The following ERBB4 variants were observed in gnomAD, a reference collection of about 807,000 sequenced individuals.
ERBB4 encodes receptor tyrosine-protein kinase erbB-4.
In ERBB4, 42 loss-of-function variants were observed where a neutral mutation model predicts 158.0. The ratio of observed to expected loss-of-function variants is 0.27; its 90% CI spans 0.21 to 0.34. The LOEUF (loss-of-function observed/expected upper bound fraction) is 0.34, where lower values mean the gene tolerates loss of function less well. Ranked by LOEUF, ERBB4 falls within the 10% of genes least tolerant of loss-of-function variation. The pLI, the probability that ERBB4 is intolerant of heterozygous loss-of-function variation, is 1.00. For synonymous variants in ERBB4, 583 were observed against 558.7 expected (o/e 1.04, Z -0.61); for missense variants, 1,333 against 1,624.1 (o/e 0.82, Z 3.08).
At chr2:211,933,333 A>T (rs929012505) in intron 3 of ERBB4, among the ~76,000 whole-genome samples, 2 of 151,956 alleles carry the variant, frequency 1.3e-5, no homozygotes, top group African/African-American at 4.8e-5. Flanking sequence ...CTATATTTCT[A>T]CCCATGCTTT....
intron 20 of ERBB4, among the ~76,000 whole-genome samples, chr2:211,512,531 A>G (rs773784637): frequency 1.3e-5 from 2 of 152,086 alleles, no homozygotes; most frequent in Non-Finnish European, 2.9e-5. Context: ...GCCTCTGACA[A>G]GTGAACAAAC....
intron 1 of ERBB4, among the ~76,000 whole-genome samples, chr2:212,259,582 G>A (rs2084859203): frequency 6.6e-6 from 1 of 152,022 alleles, no homozygotes; most frequent in South Asian, 2.1e-4. Context: ...TGTTTCCTTT[G>A]AATAACAATC....
At chr2:212,003,811 G>T (rs1253526534) in intron 2 of ERBB4, among the ~76,000 whole-genome samples, 1 of 152,080 alleles carries the variant, frequency 6.6e-6, no homozygotes, top group Middle Eastern at 3.2e-3. Flanking sequence ...GAACCAAAAA[G>T]ACTAGGATTC....
intron 5 of ERBB4, among the ~76,000 whole-genome samples, chr2:211,749,514 G>A (rs868144186): frequency 2.8e-4 from 40 of 141,664 alleles, no homozygotes; most frequent in African/African-American, 9.8e-4. Flanking sequence ...TGGGACCCAC[G>A]TGGGAAGATA....
chr2:211,774,253 G>T (rs1197879000), intron 4 of ERBB4, among the ~76,000 whole-genome samples: 2 of 151,774 alleles, frequency 1.3e-5, no homozygotes, highest in African/African-American at 2.4e-5. Context: ...TCGTATTTTT[G>T]TAGAGACGGG....
intron 19 of ERBB4, among the ~76,000 whole-genome samples, chr2:211,618,720 G>T (rs922472273): frequency 3.3e-5 from 5 of 152,000 alleles, no homozygotes; most frequent in Non-Finnish European, 7.4e-5. Flanking sequence ...AAATATTAGT[G>T]ACTTATTACC....
intron 1 of ERBB4, among the ~76,000 whole-genome samples, chr2:212,519,660 A>G (rs955990554): frequency 1.3e-5 from 2 of 151,944 alleles, no homozygotes; most frequent in Admixed American, 1.3e-4. Context: ...TCTGTCGGAC[A>G]TTACGTTAAG....
intron 3 of ERBB4, among the ~76,000 whole-genome samples, chr2:211,845,782 G>A (rs1358077560): frequency 6.6e-6 from 1 of 152,082 alleles, no homozygotes; most frequent in Non-Finnish European, 1.5e-5. Context: ...ATTACAACTT[G>A]TTCAATCTTA....
chr2:211,525,047 T>C (rs1198511603), intron 20 of ERBB4, among the ~76,000 whole-genome samples: 1 of 152,144 alleles, frequency 6.6e-6, no homozygotes, highest in African/African-American at 2.4e-5. Flanking sequence ...TGGCCAGAAG[T>C]TGCATTCCAG....
chr2:211,551,760 C>T (rs2067105107), intron 20 of ERBB4, among the ~76,000 whole-genome samples: 1 of 152,196 alleles, frequency 6.6e-6, no homozygotes, highest in African/African-American at 2.4e-5. Context: ...GCACCCAGTT[C>T]AAGCATTTAA....
intron 12 of ERBB4, among the ~76,000 whole-genome samples, chr2:211,685,298 T>A (rs975724544): frequency 6.6e-6 from 1 of 152,216 alleles, no homozygotes. Flanking sequence ...TGAAAGTTAA[T>A]GTTTTTATAA....
intron 19 of ERBB4, among the ~76,000 whole-genome samples, chr2:211,584,833 G>C (rs1286067549): frequency 6.6e-6 from 1 of 151,528 alleles, no homozygotes; most frequent in East Asian, 1.9e-4. Context: ...ATGAAATCCA[G>C]TTATTTTGTT....
intron 2 of ERBB4, among the ~76,000 whole-genome samples, chr2:211,978,325 C>A (rs564158841): frequency 6.6e-6 from 1 of 151,990 alleles, no homozygotes; most frequent in South Asian, 2.1e-4. Flanking sequence ...ACTCCAAGGA[C>A]CTTAGGGAAG....
chr2:211,454,811 T>C (rs2064338642), intron 20 of ERBB4, among the ~76,000 whole-genome samples: 1 of 152,208 alleles, frequency 6.6e-6, no homozygotes, highest in Admixed American at 6.5e-5. Flanking sequence ...GTAATAACTT[T>C]TCCTATTAAG....
chr2:211,673,300 C>T (rs372358499), intron 13 of ERBB4, 43 bp from the exon 14 acceptor site: 35 of 1,405,588 alleles, frequency 2.5e-5, no homozygotes, highest in Admixed American at 6.7e-5. Context: ...AGCAAACAAG[C>T]GTCAACTTAA....
chr2:212,465,066 T>G (rs972274712), intron 1 of ERBB4, among the ~76,000 whole-genome samples: 3 of 152,106 alleles, frequency 2.0e-5, no homozygotes, highest in Non-Finnish European at 2.9e-5. Context: ...ACACTTGAAA[T>G]AAATGTAAAG....
intron 16 of ERBB4, among the ~76,000 whole-genome samples, chr2:211,631,495 A>C (rs531582067): frequency 6.6e-6 from 1 of 152,354 alleles, no homozygotes; most frequent in South Asian, 2.1e-4. Flanking sequence ...AGTGGTAAAC[A>C]GTACCAAAAA....
chr2:212,431,326 A>AAAAAAAC (rs1434623710), intron 1 of ERBB4, among the ~76,000 whole-genome samples: 131 of 151,522 alleles, frequency 8.6e-4, no homozygotes, highest in Non-Finnish European at 1.6e-3. Flanking sequence ...AAAAAAAAAA[A>AAAAAAAC]AAAACCTTCG....
At chr2:211,419,666 G>T (rs1375786809) in intron 25 of ERBB4, among the ~76,000 whole-genome samples, 1 of 151,938 alleles carries the variant, frequency 6.6e-6, no homozygotes, top group Non-Finnish European at 1.5e-5. Flanking sequence ...TTTGATTAAG[G>T]TTTTCACTTC....
Sources: gnomAD v4.1 joint callset for allele counts (sites outside exome capture counted in the v4.1 genomes callset) on GRCh38, gnomAD v4.1.1 for gene constraint, MANE v1.5 for transcripts, NCBI Gene and HGNC (gene_info 2026-07-23, HGNC 2026-07-21) for gene names.